Variants in HELB observed in about 807,000 individuals in gnomAD.
HELB encodes the protein DNA 5'-3' helicase B.
In HELB, 96 loss-of-function variants were observed where a neutral mutation model predicts 101.7. That is an observed-to-expected ratio of 0.94 (90% CI 0.80 to 1.12). The LOEUF (loss-of-function observed/expected upper bound fraction) is 1.12. HELB is among the 50% of genes most tolerant of loss of function. The probability of loss-of-function intolerance (pLI) is 0.00; values close to 1 mark genes in which losing one functional copy is unlikely to be tolerated. For synonymous variants in HELB, 437 were observed against 459.7 expected (o/e 0.95, Z 0.63); for missense variants, 1,210 against 1,291.9 (o/e 0.94, Z 0.97).
At position 66,335,064 on chromosome 12, in the gene HELB, C is replaced by T. The variant is rs201474216; in HGVS notation, c.3163-2937C>T. ...AAAGCAATTTGGGGAATAGCAGTGC[C>T]ATTTCCTGAGATGGGAAAGATGTGA... On this transcript the variant is annotated intron_variant, in intron 12 of 12. Coordinates refer to ENST00000247815, the MANE Select transcript of HELB (RefSeq NM_001370285.1). Among the ~76,000 whole-genome samples, 9 of 152,218 alleles carry T rather than the reference C, an allele frequency of 5.9e-5. No individual in the cohort carries two copies. The East Asian group carries it at 1.4e-3, about 23-fold the overall frequency.
downstream of HELB, chr12:66,339,809 C>A (rs757021901): frequency 6.6e-6 from 1 of 152,142 alleles, no homozygotes; most frequent in Non-Finnish European, 1.5e-5. Context: ...CCTGACTTCC[C>A]CCATCCCTAG....
chr12:66,334,461 C>CA (rs1186018346), intron 12 of HELB, among the ~76,000 whole-genome samples: 8 of 77,736 alleles, frequency 1.0e-4, no homozygotes, highest in Admixed American at 1.6e-4. Flanking sequence ...AACCCTGTCT[C>CA]AAAAAAAAAG....
At chr12:66,321,356 A>G (rs182055275) in intron 7 of HELB, 1 of 152,464 alleles carries the variant, frequency 6.6e-6, no homozygotes, top group East Asian at 1.9e-4. Context: ...GGAGAAGGAA[A>G]GAGATGGTTG....
At chr12:66,338,678 A>C (rs1168290), downstream of HELB, 75,536 of 151,872 alleles carry the variant, frequency 0.5, 19,173 homozygotes, top group East Asian at 0.58. Flanking sequence ...ACAAAAAAAA[A>C]CAAACAATTA....
Position 66,307,300 on chromosome 12 carries a change from A to G in HELB, c.777+786A>G, listed in dbSNP as rs114508992. 3.9e-3 allele frequency among the ~76,000 whole-genome samples: 587 copies of G among 152,308 alleles called. 5 individuals carry two copies. The highest frequency in any genetic ancestry group is 0.014 in the African/African-American group (562 of 41,584). On this transcript the variant is annotated intron_variant, in intron 3 of 12. Transcript: ENST00000247815. The stretch of plus-strand genomic sequence containing the variant: ...AGATTCTGGAACATGAGATTATTAT[A>G]TATATTTATTCAGTGGAGAAGAGTG...
At chr12:66,324,310 A>T in intron 10 of HELB, 99 bp downstream of exon 10, 1 of 878,756 alleles carries the variant, frequency 1.1e-6, no homozygotes, top group Admixed American at 2.5e-5. Flanking sequence ...ATATCAGTTG[A>T]CATTCTTGTT....
chr12:66,320,370 A>G (rs1259677519), intron 7 of HELB, among the ~76,000 whole-genome samples: 1 of 152,164 alleles, frequency 6.6e-6, no homozygotes, highest in African/African-American at 2.4e-5. Context: ...TATTTATTTC[A>G]GTTTTACATA....
chr12:66,337,337 T>C (rs941966494), intron 12 of HELB, among the ~76,000 whole-genome samples: 4 of 152,186 alleles, frequency 2.6e-5, no homozygotes, highest in Non-Finnish European at 5.9e-5. Flanking sequence ...TTTTCTGAAA[T>C]TAAACTTGTC....
In HELB at chr12:66,315,395, C is replaced by A; in HGVS notation, c.2000+12C>A. On this transcript the variant is annotated intron_variant, in intron 6 of 12. Transcript: ENST00000247815. Reference sequence around the variant, plus strand: ...GACAATGCTACAAGGTATAATATTACTAAGAGTTTGCATTTTCTGTCTGTT... The same window carrying A: ...GACAATGCTACAAGGTATAATATTAATAAGAGTTTGCATTTTCTGTCTGTT... 2 of 1,508,698 alleles carry A rather than the reference C, an allele frequency of 1.3e-6. No individual in the cohort carries two copies. The highest frequency in any genetic ancestry group is 1.8e-6 in the Non-Finnish European group (2 of 1,127,018). The allele number at this position is 1,508,698 out of a possible 1,614,324, so 93.5% of individuals were successfully genotyped here. A position where few individuals can be genotyped will look rare whatever the true frequency, so the allele number is the denominator to read the frequency against.
At chr12:66,307,302 A>T (rs1222668803) in intron 3 of HELB, among the ~76,000 whole-genome samples, 1 of 152,184 alleles carries the variant, frequency 6.6e-6, no homozygotes, top group Non-Finnish European at 1.5e-5. Context: ...ATTATTATAT[A>T]TATTTATTCA....
chr12:66,336,539 G>C (rs1208877274), intron 12 of HELB, among the ~76,000 whole-genome samples: 4 of 152,216 alleles, frequency 2.6e-5, no homozygotes, highest in Non-Finnish European at 1.5e-5. Context: ...GGGCCACAGG[G>C]GGAACCCAGG....
chr12:66,302,855 T>G, intron 1 of HELB, 65 bp downstream of exon 1: 1 of 1,439,706 alleles, frequency 6.9e-7, no homozygotes, highest in Non-Finnish European at 9.4e-7. Flanking sequence ...CCATTCTGGC[T>G]TTGCCCTGAG....
At chr12:66,303,162 G>A (rs965532170) in intron 1 of HELB, among the ~76,000 whole-genome samples, 1 of 148,404 alleles carries the variant, frequency 6.7e-6, no homozygotes, top group African/African-American at 2.5e-5. Flanking sequence ...TTTAATGTAA[G>A]GTAGTTTTAC....
downstream of HELB, chr12:66,342,383 T>G (rs960524675): frequency 2.2e-4 from 33 of 151,452 alleles, no homozygotes; most frequent in African/African-American, 7.5e-4. Context: ...TTTTTTTTTT[T>G]TTCTTCTTCG....
chr12:66,304,911 A>G lies in HELB; in HGVS notation c.368A>G (p.Gln123Arg). 1 of 1,614,162 alleles carries G rather than the reference A, an allele frequency of 6.2e-7. No individual in the cohort carries two copies. ...CAGTCTGATATGTCACCACCAAATC[A>G]AAAACATATCTGTGCTCTCTTTCTT... Reference protein sequence around the residue: ...FLQSDMSPPNQKHICALFLKE... With the variant: ...FLQSDMSPPNRKHICALFLKE... Residue 123 changes from glutamine (Q) to arginine (R), a missense_variant, in exon 2 of 13, where the codon CAA becomes CGA. Around this residue, in one of 2 missense-constraint regions of HELB, gnomAD observed 470 missense variants for 563.1 expected, o/e 0.83. Transcript: ENST00000247815.
chr12:66,313,773 T>C (rs1482675908), intron 4 of HELB, among the ~76,000 whole-genome samples: 2 of 152,062 alleles, frequency 1.3e-5, no homozygotes, highest in Non-Finnish European at 2.9e-5. Flanking sequence ...GAGGGAAGTG[T>C]TGAGATTTTG....
rs754602557 is a variant in HELB, at chr12:66,322,021, A to G, written c.2229A>G (p.Ala743=). 118 of 1,114,138 alleles carry G rather than the reference A, an allele frequency of 1.1e-4. No homozygotes were observed. The highest frequency in any genetic ancestry group is 3.0e-5 in the Non-Finnish European group (23 of 759,898). 69.0% of individuals were successfully genotyped at this position (1,114,138 alleles called of 1,614,324 possible). Residue 743 remains alanine (A), a synonymous_variant, in exon 8 of 13, where the codon GCA becomes GCG. Transcript: ENST00000247815. ...LQNAKTSQFI[A]FRRQDCDLIN... Reference sequence around the variant, plus strand: ...ATGCAAAAACATCACAATTTATTGCATTTAGAAGGTAAAGCATTTATAATA... The same window carrying G: ...ATGCAAAAACATCACAATTTATTGCGTTTAGAAGGTAAAGCATTTATAATA...
Position 66,302,729 on chromosome 12 carries a change from C to T in HELB, c.126C>T (p.Ile42=), listed in dbSNP as rs1390627487. 6.2e-7 allele frequency: 1 copy of T among 1,613,906 alleles called. No individual in the cohort carries two copies. The highest frequency in any genetic ancestry group is 8.5e-7 in the Non-Finnish European group (1 of 1,179,942). The part of the protein sequence containing the change: ...DVEEDEESVF[I]DAEELCSGGV... ...AGGAGGATGAAGAGTCCGTGTTCATCGACGCCGAGGAGCTCTGCAGTGGGG... is the reference window on the plus strand; with the variant it reads ...AGGAGGATGAAGAGTCCGTGTTCATTGACGCCGAGGAGCTCTGCAGTGGGG... Residue 42 remains isoleucine (I), a synonymous_variant, in exon 1 of 13, where the codon ATC becomes ATT. Coordinates refer to ENST00000247815, the MANE Select transcript of HELB (RefSeq NM_001370285.1).
At chr12:66,305,221 A>G in intron 2 of HELB, 71 bp downstream of exon 2, 1 of 927,684 alleles carries the variant, frequency 1.1e-6, no homozygotes, top group Non-Finnish European at 1.7e-6. Flanking sequence ...TTAAAATGTT[A>G]CCACTAGCAT....
Sources: allele counts gnomAD v4.1 joint callset (sites outside exome capture counted in the v4.1 genomes callset), GRCh38; gene constraint gnomAD v4.1.1; regional missense constraint gnomAD v4.1.1; transcripts MANE v1.5; gene names NCBI Gene and HGNC (gene_info 2026-07-23, HGNC 2026-07-21).